Variants in PRKN observed in about 807,000 individuals in gnomAD.
PRKN encodes the protein E3 ubiquitin-protein ligase parkin.
PRKN carries 56 observed loss-of-function variants against 59.5 expected under a neutral mutation model. The ratio of observed to expected loss-of-function variants is 0.94; its 90% CI spans 0.76 to 1.18. PRKN has a LOEUF of 1.18. Ranked by LOEUF, PRKN falls within the 50% of genes most tolerant of loss-of-function variation. PRKN has a pLI of 0.00. For synonymous variants in PRKN, 250 were observed against 222.1 expected (o/e 1.13, Z -1.12); for missense variants, 657 against 596.4 (o/e 1.10, Z -1.06).
chr6:161,785,492 C>G (rs1385022626), intron 7 of PRKN, among the ~76,000 whole-genome samples: 2 of 152,164 alleles, frequency 1.3e-5, no homozygotes, highest in Non-Finnish European at 2.9e-5. Context: ...GAGAGTGACT[C>G]TAACCCACAG....
chr6:161,962,981 C>T (rs1349235028), intron 6 of PRKN, among the ~76,000 whole-genome samples: 1 of 151,984 alleles, frequency 6.6e-6, no homozygotes, highest in Non-Finnish European at 1.5e-5. Context: ...CCCGTCTCTA[C>T]TAAAAATATA....
chr6:162,354,707 G>A (rs1015942662), intron 2 of PRKN, among the ~76,000 whole-genome samples: 3 of 151,648 alleles, frequency 2.0e-5, no homozygotes, highest in African/African-American at 4.8e-5. Context: ...TCCTCCCTTC[G>A]TTATACTGAG....
At chr6:162,484,416 T>C (rs961175022) in intron 1 of PRKN, among the ~76,000 whole-genome samples, 1 of 151,746 alleles carries the variant, frequency 6.6e-6, no homozygotes, top group African/African-American at 2.4e-5. Context: ...CCAACAGGAG[T>C]TGATACTGTA....
intron 6 of PRKN, among the ~76,000 whole-genome samples, chr6:161,951,390 T>C (rs1057010660): frequency 5.9e-4 from 90 of 152,146 alleles, no homozygotes; most frequent in African/African-American, 2.1e-3. Context: ...ATTAACCTTC[T>C]TCTCTCTTTA....
chr6:162,292,573 A>G (rs1210513770), intron 2 of PRKN, among the ~76,000 whole-genome samples: 1 of 151,982 alleles, frequency 6.6e-6, no homozygotes, highest in Non-Finnish European at 1.5e-5. Flanking sequence ...GATTGAATCT[A>G]CTCCATGGAA....
chr6:161,694,420 G>A (rs967683105), intron 7 of PRKN, among the ~76,000 whole-genome samples: 1 of 151,668 alleles, frequency 6.6e-6, no homozygotes, highest in East Asian at 1.9e-4. Context: ...ATACCCTTTG[G>A]GGTTTTTTTT....
chr6:162,187,421 C>T (rs1784075344), intron 4 of PRKN, among the ~76,000 whole-genome samples: 3 of 152,092 alleles, frequency 2.0e-5, no homozygotes, highest in Admixed American at 2.0e-4. Flanking sequence ...TTGCTAAGCT[C>T]CTAAATTGTG....
chr6:161,802,141 G>A (rs1288895535), intron 6 of PRKN, among the ~76,000 whole-genome samples: 1 of 152,100 alleles, frequency 6.6e-6, no homozygotes. Flanking sequence ...ATTGGAGGAA[G>A]AGTCATTATT....
intron 1 of PRKN, among the ~76,000 whole-genome samples, chr6:162,582,290 A>T (rs66534429): frequency 6.6e-6 from 1 of 152,172 alleles, no homozygotes; most frequent in Non-Finnish European, 1.5e-5. Flanking sequence ...AAAAACAAGC[A>T]TTAAGTATTT....
intron 6 of PRKN, among the ~76,000 whole-genome samples, chr6:161,897,057 TCTAA>T (rs375725030): frequency 1.3e-5 from 2 of 152,194 alleles, no homozygotes; most frequent in African/African-American, 4.8e-5. Context: ...CCTAGTATCT[TCTAA>T]CTTTCTCTTC....
At chr6:162,023,789 C>T (rs1204812713) in intron 5 of PRKN, among the ~76,000 whole-genome samples, 7 of 152,108 alleles carry the variant, frequency 4.6e-5, no homozygotes. Context: ...CCAGGGACCA[C>T]GCCCTCCTTT....
chr6:161,806,376 CG>C (rs1466055835), intron 6 of PRKN, among the ~76,000 whole-genome samples: 1 of 152,156 alleles, frequency 6.6e-6, no homozygotes, highest in Non-Finnish European at 1.5e-5. Flanking sequence ...TGTTTGGACT[CG>C]AAAGCACCCG....
intron 1 of PRKN, among the ~76,000 whole-genome samples, chr6:162,609,249 C>A (rs898901663): frequency 6.6e-6 from 1 of 152,178 alleles, no homozygotes; most frequent in Non-Finnish European, 1.5e-5. Context: ...TTTTGGTACC[C>A]AGACCACAAA....
At chr6:161,534,242 G>T (rs547134596) in intron 9 of PRKN, among the ~76,000 whole-genome samples, 1 of 152,202 alleles carries the variant, frequency 6.6e-6, no homozygotes, top group South Asian at 2.1e-4. Context: ...CCTTCACTCT[G>T]TTCCAGAATC....
At chr6:162,401,881 A>C (rs1787811002) in intron 2 of PRKN, among the ~76,000 whole-genome samples, 2 of 152,180 alleles carry the variant, frequency 1.3e-5, no homozygotes, top group Admixed American at 1.3e-4. Context: ...TTTCCACAGA[A>C]GCAAACAGTT....
chr6:161,733,793 T>TATATATATATATATATATATATAC (rs1562641758), intron 7 of PRKN, among the ~76,000 whole-genome samples: 1 of 70,054 alleles, frequency 1.4e-5, no homozygotes, highest in Non-Finnish European at 2.7e-5. Context: ...AATATATATA[T>TATATATATATATATATATATATAC]ATATGTATAT....
intron 9 of PRKN, among the ~76,000 whole-genome samples, chr6:161,481,635 AAAC>A (rs899730085): frequency 6.7e-6 from 1 of 149,812 alleles, no homozygotes; most frequent in African/African-American, 2.5e-5. Flanking sequence ...ACAAACAAAA[AAAC>A]AAAAACAAAC....
At chr6:161,661,958 G>A (rs999539629) in intron 7 of PRKN, among the ~76,000 whole-genome samples, 1 of 152,090 alleles carries the variant, frequency 6.6e-6, no homozygotes, top group Non-Finnish European at 1.5e-5. Flanking sequence ...AGGAGGCAGA[G>A]GTTGCAGTGA....
At chr6:162,252,134 A>T (rs1192006127) in intron 3 of PRKN, among the ~76,000 whole-genome samples, 5 of 152,194 alleles carry the variant, frequency 3.3e-5, no homozygotes, top group Non-Finnish European at 5.9e-5. Flanking sequence ...ATAAAGAGGG[A>T]AGGAAACATG....
Sources: allele counts gnomAD v4.1 joint callset (sites outside exome capture counted in the v4.1 genomes callset), GRCh38; gene constraint gnomAD v4.1.1; transcripts MANE v1.5; gene names NCBI Gene and HGNC (gene_info 2026-07-23, HGNC 2026-07-21).